The following PLPPR1 variants were observed in gnomAD, a reference collection of about 807,000 sequenced individuals.
PLPPR1 encodes the protein phospholipid phosphatase-related protein type 1.
Under a neutral mutation model 33.1 loss-of-function variants are expected in PLPPR1, and 10 were observed. That is an observed-to-expected ratio of 0.30 (90% CI 0.19 to 0.51). The LOEUF (loss-of-function observed/expected upper bound fraction) is 0.51. PLPPR1 is among the 20% of genes least tolerant of loss of function. The pLI is 0.97. For synonymous variants in PLPPR1, 151 were observed against 151.0 expected (o/e 1.00, Z 0.00); for missense variants, 304 against 408.1 (o/e 0.74, Z 2.20).
rs571684320 is a variant in PLPPR1, at chr9:101,220,278, G to T, written c.63+34721G>T. 5.9e-5 allele frequency among the ~76,000 whole-genome samples: 9 copies of T among 152,182 alleles called. No homozygotes were observed. In the East Asian group the frequency reaches 1.5e-3, roughly 26 times the overall value. On this transcript the variant is annotated intron_variant, in intron 2 of 7. Transcript: ENST00000374874. ...TATATGAACTTCTAACCACTTTTAT[G>T]TTAAAAATGTCATTTAATTGAGCAC...
intron 2 of PLPPR1, among the ~76,000 whole-genome samples, chr9:101,201,419 A>C (rs1432319458): frequency 2.0e-5 from 3 of 152,182 alleles, no homozygotes; most frequent in Non-Finnish European, 4.4e-5. Flanking sequence ...AACACTTTGA[A>C]GCTAAAATAT....
chr9:101,315,348 G>C (rs943274843), intron 6 of PLPPR1, among the ~76,000 whole-genome samples: 13 of 152,260 alleles, frequency 8.5e-5, no homozygotes, highest in Middle Eastern at 3.4e-3. Flanking sequence ...TGTATAAATA[G>C]ACTTTGGCTC....
chr9:101,162,815 T>A (rs1216709969), intron 1 of PLPPR1, among the ~76,000 whole-genome samples: 1 of 152,194 alleles, frequency 6.6e-6, no homozygotes, highest in African/African-American at 2.4e-5. Flanking sequence ...CTGTGGGGAA[T>A]GCAGTTAATT....
At chr9:101,143,981 G>A (rs141430882) in intron 1 of PLPPR1, among the ~76,000 whole-genome samples, 10 of 152,258 alleles carry the variant, frequency 6.6e-5, no homozygotes, top group Non-Finnish European at 1.3e-4. Flanking sequence ...ACATGCACAC[G>A]TATGTTTATT....
chr9:101,088,325 A>T (rs1830702643), intron 1 of PLPPR1, among the ~76,000 whole-genome samples: 2 of 152,188 alleles, frequency 1.3e-5, no homozygotes, highest in African/African-American at 4.8e-5. Flanking sequence ...GATGGCAGTA[A>T]TCACTTCGGT....
intron 1 of PLPPR1, among the ~76,000 whole-genome samples, chr9:101,114,024 TA>T (rs1831090158): frequency 6.7e-6 from 1 of 150,348 alleles, no homozygotes; most frequent in Non-Finnish European, 1.5e-5. Flanking sequence ...AGGCAGAAAA[TA>T]GGGACAGTTC....
intron 1 of PLPPR1, among the ~76,000 whole-genome samples, chr9:101,156,395 CA>C (rs989646727): frequency 1.3e-5 from 2 of 151,442 alleles, no homozygotes; most frequent in Non-Finnish European, 2.9e-5. Flanking sequence ...ACAGAAAATA[CA>C]AAAATCAACC....
At chr9:101,247,790 C>T (rs1345496264) in intron 2 of PLPPR1, among the ~76,000 whole-genome samples, 1 of 151,948 alleles carries the variant, frequency 6.6e-6, no homozygotes, top group Non-Finnish European at 1.5e-5. Flanking sequence ...CTTTCAGGCC[C>T]AGGGTACTCC....
chr9:101,060,616 G>C (rs921867596), intron 1 of PLPPR1, among the ~76,000 whole-genome samples: 1 of 151,676 alleles, frequency 6.6e-6, no homozygotes, highest in African/African-American at 2.4e-5. Context: ...TAGAGGCTGA[G>C]TATTAAAAAT....
At chr9:101,090,942 T>C (rs1830733990) in intron 1 of PLPPR1, among the ~76,000 whole-genome samples, 1 of 151,780 alleles carries the variant, frequency 6.6e-6, no homozygotes, top group Non-Finnish European at 1.5e-5. Flanking sequence ...TCCCTTCCTA[T>C]CCTCCTTCCC....
chr9:101,034,157 A>G (rs1829982142), intron 1 of PLPPR1, among the ~76,000 whole-genome samples: 1 of 152,242 alleles, frequency 6.6e-6, no homozygotes, highest in East Asian at 1.9e-4. Flanking sequence ...TCTCAAGTGC[A>G]TTTTTTATCA....
intron 7 of PLPPR1, among the ~76,000 whole-genome samples, chr9:101,318,167 C>CTAAA (rs1344010143): frequency 6.6e-6 from 1 of 151,786 alleles, no homozygotes; most frequent in Non-Finnish European, 1.5e-5. Flanking sequence ...ACCATCTTTA[C>CTAAA]TAAATAAATA....
At chr9:101,269,624 C>G (rs987317984) in intron 2 of PLPPR1, among the ~76,000 whole-genome samples, 2 of 152,232 alleles carry the variant, frequency 1.3e-5, no homozygotes, top group African/African-American at 4.8e-5. Context: ...GGGGCTGAAG[C>G]TCTCTACAAG....
At chr9:101,171,499 A>G (rs1392784967) in intron 1 of PLPPR1, among the ~76,000 whole-genome samples, 1 of 152,174 alleles carries the variant, frequency 6.6e-6, no homozygotes, top group Non-Finnish European at 1.5e-5. Context: ...TTGTGGATCT[A>G]GCAGAAAGAA....
In PLPPR1 at chr9:101,290,609, G is replaced by A. The variant is rs114295190; in HGVS notation, c.385+4373G>A. 6.4e-3 allele frequency among the ~76,000 whole-genome samples: 977 copies of A among 152,112 alleles called. 10 individuals are homozygous for A. Among genetic ancestry groups the A allele is most frequent in the African/African-American group, 0.023 (933 of 41,466 alleles). The stretch of plus-strand genomic sequence containing the variant: ...TCCACTGCAAATAATCCATTCTAAT[G>A]AAACAATCAGAAATGTAGATTAATT... On this transcript the variant is annotated intron_variant, in intron 4 of 7. Transcript: ENST00000374874.
chr9:101,230,803 C>T (rs889827579), intron 2 of PLPPR1, among the ~76,000 whole-genome samples: 1 of 149,532 alleles, frequency 6.7e-6, no homozygotes, highest in Non-Finnish European at 1.5e-5. Context: ...AGAATTAAAA[C>T]ATCAGACTTT....
chr9:101,064,945 T>C (rs1435822283), intron 1 of PLPPR1, among the ~76,000 whole-genome samples: 3 of 152,046 alleles, frequency 2.0e-5, no homozygotes, highest in Non-Finnish European at 2.9e-5. Context: ...GACTAATCCA[T>C]GAGGGCTCTG....
intron 1 of PLPPR1, among the ~76,000 whole-genome samples, chr9:101,059,984 A>C: frequency 6.6e-6 from 1 of 152,090 alleles, no homozygotes; most frequent in Non-Finnish European, 1.5e-5. Flanking sequence ...ACCCGAAGGA[A>C]TTGAAATAAG....
intron 1 of PLPPR1, among the ~76,000 whole-genome samples, chr9:101,074,875 A>G (rs1248064521): frequency 6.6e-6 from 1 of 152,196 alleles, no homozygotes; most frequent in Non-Finnish European, 1.5e-5. Flanking sequence ...ATGAAGTGTC[A>G]TTAAAACAAC....
Sources: gnomAD v4.1 joint callset for allele counts (sites outside exome capture counted in the v4.1 genomes callset) on GRCh38, gnomAD v4.1.1 for gene constraint, MANE v1.5 for transcripts, NCBI Gene and HGNC (gene_info 2026-07-23, HGNC 2026-07-21) for gene names.